CEP164: variants seen among roughly 807,000 people sequenced by gnomAD.
The protein encoded by CEP164 is centrosomal protein of 164 kDa.
CEP164 carries 162 observed loss-of-function variants against 182.7 expected under a neutral mutation model. The ratio of observed to expected loss-of-function variants is 0.89; its 90% CI spans 0.78 to 1.01. CEP164 has a LOEUF of 1.01. Ranked by LOEUF, CEP164 falls within the 50% of genes least tolerant of loss-of-function variation. The pLI is 0.00. For synonymous variants in CEP164, 661 were observed against 690.0 expected, an observed-to-expected ratio of 0.96 and a Z score of 0.66; for missense variants, 1,735 against 1,790.4, an observed-to-expected ratio of 0.97 and a Z score of 0.56.
intron 5 of CEP164, among the ~76,000 whole-genome samples, chr11:117,353,777 G>A (rs540145959): frequency 3.4e-4 from 52 of 152,122 alleles, no homozygotes; most frequent in Non-Finnish European, 6.6e-4. Context: ...AGTCAGGTGG[G>A]GTTCAGTGTG....
intron 5 of CEP164, chr11:117,356,392 T>A: frequency 1.7e-6 from 2 of 1,195,554 alleles, no homozygotes; most frequent in South Asian, 3.0e-5. Context: ...CTAGTGAGGG[T>A]GAGCACGAGG....
intron 5 of CEP164, chr11:117,355,141 C>A (rs1166900025): frequency 7.8e-7 from 1 of 1,289,882 alleles, no homozygotes; most frequent in South Asian, 1.2e-5. Flanking sequence ...TGCAGCCACT[C>A]TCCAAAGGCC....
In CEP164 at chr11:117,394,663, C is replaced by T. The variant is rs2045195779; in HGVS notation, c.2760+170C>T. On this transcript the variant is annotated intron_variant, in intron 21 of 32. Transcript: ENST00000278935. This position sits in a 1 kb window ranked among gnomAD's most constrained non-coding sequence, Gnocchi z 4.0. ...CATCCTTGTTACTTTGTTTTCTGGG[C>T]CAGGGAACACACTCAGGATTAGAAC... is the stretch of plus-strand genomic sequence containing the variant. Among the ~76,000 whole-genome samples the T allele has an allele frequency of 6.6e-6, 1 of 152,140 alleles. No individual in the cohort carries two copies. Among genetic ancestry groups the T allele is most frequent in the South Asian group, 2.1e-4 (1 of 4,832 alleles).
rs963296079 is a variant in CEP164, at chr11:117,395,591, G to A, written c.2958G>A (p.Glu986=). The A allele has an allele frequency of 2.5e-5, 40 of 1,613,712 alleles. No individual in the cohort carries two copies. The highest frequency in any genetic ancestry group is 3.1e-5 in the Non-Finnish European group (37 of 1,179,888). The change falls in exon 24 of 33, where the codon GAG becomes GAA. Residue 986 remains glutamate (E), a synonymous_variant. Coordinates refer to ENST00000278935, the MANE Select transcript of CEP164 (RefSeq NM_014956.5). ...THQQLEEAQK[E]HTHLLQSNQQ... is the part of the protein sequence containing the mutation. Reference sequence around the variant, plus strand: ...AGCAGCTGGAGGAGGCACAGAAGGAGCACACCCACCTGTTGCAGTCAAACC... The same window carrying A: ...AGCAGCTGGAGGAGGCACAGAAGGAACACACCCACCTGTTGCAGTCAAACC...
Position 117,394,852 on chromosome 11 carries a change from A to G in CEP164, c.2761-68A>G. On this transcript the variant is annotated intron_variant, in intron 21 of 32. Transcript: ENST00000278935. The surrounding 1 kb of genome is among the most constrained non-coding windows in gnomAD (Gnocchi z 4.0). ...GTGGTGTGGCATGGTGGGTTCTGGA[A>G]CCCCCTCCTGCCCCTCAGCTAATGC... The G allele has an allele frequency of 6.7e-7, 1 of 1,498,058 alleles. No homozygotes were observed. Among genetic ancestry groups the G allele is most frequent in the Non-Finnish European group, 9.3e-7 (1 of 1,080,166 alleles). The allele number at this position is 1,498,058 out of a possible 1,614,324, so 92.8% of individuals were successfully genotyped here. A position where few individuals can be genotyped will look rare whatever the true frequency, so the allele number is the denominator to read the frequency against.
intron 3 of CEP164, among the ~76,000 whole-genome samples, chr11:117,339,334 A>G (rs1051834828): frequency 3.9e-5 from 6 of 152,132 alleles, no homozygotes; most frequent in Non-Finnish European, 8.8e-5. Flanking sequence ...GAAACATAGT[A>G]GGGGGTATCT....
chr11:117,389,045 C>T (rs1274827173), intron 15 of CEP164, among the ~76,000 whole-genome samples: 11 of 152,242 alleles, frequency 7.2e-5, no homozygotes, highest in Middle Eastern at 3.4e-3. Flanking sequence ...GCTGGGATTA[C>T]AGGCGTGAGC....
intron 27 of CEP164, among the ~76,000 whole-genome samples, chr11:117,398,350 A>T (rs1279951201): frequency 6.6e-6 from 1 of 152,152 alleles, no homozygotes; most frequent in Admixed American, 6.5e-5. Context: ...GCTGGCATTG[A>T]GTATCTGCGG....
intron 15 of CEP164, 148 bp from the exon 16 acceptor site, chr11:117,390,629 C>T: frequency 9.5e-7 from 1 of 1,052,384 alleles, no homozygotes; most frequent in East Asian, 2.4e-5. Context: ...GAGCAAGAAC[C>T]TGTCTCCAAA....
Position 117,371,321 on chromosome 11 carries a change from G to T in CEP164, c.1007G>T (p.Gly336Val), listed in dbSNP as rs1020255786. Residue 336 changes from glycine to valine, a missense_variant, in exon 9 of 33, where the codon GGC (glycine) becomes GTC (valine). Coordinates refer to ENST00000278935, the MANE Select transcript of CEP164 (RefSeq NM_014956.5). Reference sequence around the variant, plus strand: ...GTGACCCCCAAGGCAGACCCTACAGGCAGTGAGCCTGCCAAAGCCTCTGAA... The same window carrying T: ...GTGACCCCCAAGGCAGACCCTACAGTCAGTGAGCCTGCCAAAGCCTCTGAA... ...NLVTPKADPTGSEPAKASEKE... is the reference protein window; with the variant it reads ...NLVTPKADPTVSEPAKASEKE... The T allele has an allele frequency of 6.2e-7, 1 of 1,614,218 alleles. No homozygotes were observed. The highest frequency in any genetic ancestry group is 8.5e-7 in the Non-Finnish European group (1 of 1,180,028).
In CEP164 at chr11:117,334,343, T is replaced by C. The variant is rs192383570; in HGVS notation, c.-97-1262T>C. On this transcript the variant is annotated intron_variant, in intron 1 of 32. Coordinates refer to ENST00000278935, the MANE Select transcript of CEP164 (RefSeq NM_014956.5). ...ACTCATTGGCCTTTTGGACCTGTCC[T>C]TGCCCACATCTTTTCTAGAGCCTGA... Among the ~76,000 whole-genome samples the C allele has an allele frequency of 3.5e-3, 536 of 152,318 alleles. 1 individual carries two copies. Among genetic ancestry groups the C allele is most frequent in the African/African-American group, 0.011 (457 of 41,584 alleles).
chr11:117,334,460 C>G (rs2036717690), intron 1 of CEP164, among the ~76,000 whole-genome samples: 2 of 152,276 alleles, frequency 1.3e-5, no homozygotes, highest in South Asian at 4.1e-4. Context: ...TCCATGAATT[C>G]AGATTTCCCA....
chr11:117,366,950 T>A (rs1264556903), intron 8 of CEP164, among the ~76,000 whole-genome samples: 1 of 152,192 alleles, frequency 6.6e-6, no homozygotes, highest in Non-Finnish European at 1.5e-5. Context: ...AAGTCTTTTT[T>A]GAAAAAGCAG....
Position 117,375,734 on chromosome 11 carries a change from G to A in CEP164, c.1260G>A (p.Ser420=), listed in dbSNP as rs544012304. 4.7e-5 allele frequency: 76 copies of A among 1,613,984 alleles called. 1 individual carries two copies. The highest frequency in any genetic ancestry group is 2.6e-4 in the South Asian group (24 of 91,078). ...ACTTCGGTTTTCGCAGCCGGATCTC[G>A]GAGCACCTGCTGGATGTTGATGTGC... ...GLDFGFRSRI[S]EHLLDVDVLS... Residue 420 remains serine, a synonymous_variant, in exon 11 of 33, where the codon TCG becomes TCA. Coordinates refer to ENST00000278935, the MANE Select transcript of CEP164 (RefSeq NM_014956.5).
intron 2 of CEP164, chr11:117,336,341 T>C: frequency 6.8e-7 from 1 of 1,462,266 alleles, no homozygotes; most frequent in South Asian, 1.1e-5. Flanking sequence ...GGTCTGACCA[T>C]GCCAGGAGCC....
chr11:117,337,587 C>G (rs1036822692), intron 2 of CEP164, among the ~76,000 whole-genome samples: 3 of 151,306 alleles, frequency 2.0e-5, no homozygotes, highest in African/African-American at 7.3e-5. Flanking sequence ...TCCCCCATAT[C>G]CTGGTCCTAT....
intron 27 of CEP164, among the ~76,000 whole-genome samples, chr11:117,405,402 G>A (rs574102335): frequency 6.6e-6 from 1 of 152,224 alleles, no homozygotes; most frequent in African/African-American, 2.4e-5. Flanking sequence ...CTTGGCTAGG[G>A]GAGGGAGTTC....
chr11:117,368,105 G>T (rs1455558363), intron 8 of CEP164, among the ~76,000 whole-genome samples: 1 of 152,098 alleles, frequency 6.6e-6, no homozygotes, highest in Admixed American at 6.5e-5. Flanking sequence ...TAAGTACTGA[G>T]GACAATAGGG....
At chr11:117,334,784 CAAAA>C (rs5795074) in intron 1 of CEP164, among the ~76,000 whole-genome samples, 2 of 102,974 alleles carry the variant, frequency 1.9e-5, no homozygotes, top group African/African-American at 3.8e-5. Context: ...GACTTCGTTT[CAAAA>C]AAAAAAAAAA....
Sources: gnomAD v4.1 joint callset for allele counts (sites outside exome capture counted in the v4.1 genomes callset) on GRCh38, gnomAD v4.1.1 for gene constraint, Gnocchi (gnomAD v3.1) non-coding constraint, MANE v1.5 for transcripts, NCBI Gene and HGNC (gene_info 2026-07-23, HGNC 2026-07-21) for gene names.